Variants in CLCN5 observed in about 807,000 individuals in gnomAD.
The protein encoded by CLCN5 is Cl-/H+ antiporter 5.
CLCN5 carries 17 observed loss-of-function variants against 54.0 expected under a neutral mutation model. The observed-to-expected ratio is 0.31, with a 90% CI of 0.22 to 0.47. CLCN5 has a LOEUF of 0.47. CLCN5 is among the 20% of genes least tolerant of loss of function. The pLI is 1.00. For missense variants in CLCN5, 448 were observed against 646.7 expected (o/e 0.69, Z 3.33); for synonymous variants, 222 against 233.0 (o/e 0.95, Z 0.43).
intron 3 of CLCN5, among the ~76,000 whole-genome samples, chrX:49,944,944 C>T (rs1263312744): frequency 1.8e-5 from 2 of 112,365 alleles, no homozygotes; most frequent in African/African-American, 6.5e-5. Context: ...ACTCCTGCGT[C>T]TGTTATTACC....
intron 4 of CLCN5, chrX:50,067,664 G>A: frequency 2.7e-6 from 2 of 753,622 alleles, no homozygotes; most frequent in Non-Finnish European, 3.1e-6. Flanking sequence ...TCAGACTGGG[G>A]CTTCTTTTGT....
intron 3 of CLCN5, among the ~76,000 whole-genome samples, chrX:50,029,387 G>A (rs138414522): frequency 0.011 from 1,140 of 101,324 alleles, 11 homozygotes; most frequent in African/African-American, 0.039. Flanking sequence ...CCACCTATGA[G>A]TGAGAACATG....
intron 3 of CLCN5, among the ~76,000 whole-genome samples, chrX:50,019,456 CTTTTTTTTTTTCTTTTTT>C (rs1930960354): frequency 1.6e-5 from 1 of 64,424 alleles, no homozygotes; most frequent in Non-Finnish European, 2.9e-5. Flanking sequence ...TTCATGCTTA[CTTTTTTTTTTTCTTTTTT>C]TTTTTTTTTT....
chrX:49,970,352 C>T (rs1344427771), intron 3 of CLCN5, among the ~76,000 whole-genome samples: 1 of 110,800 alleles, frequency 9.0e-6, no homozygotes, highest in African/African-American at 3.3e-5. Flanking sequence ...CAACCATCAC[C>T]ACAATCTAAT....
intron 3 of CLCN5, among the ~76,000 whole-genome samples, chrX:50,016,029 G>A (rs187190309): frequency 4.7e-4 from 52 of 111,293 alleles, no homozygotes; most frequent in Non-Finnish European, 8.8e-4. Context: ...TTACTGCTCA[G>A]CCTTAGTCTT....
Position 49,948,087 on chromosome X carries a change from G to A in CLCN5, c.16+22773G>A, listed in dbSNP as rs992228278. Among the ~76,000 whole-genome samples, 4 of 109,316 alleles carry A rather than the reference G, an allele frequency of 3.7e-5. No homozygotes were observed. The South Asian group carries it at 1.6e-3, about 44-fold the overall frequency. 94.9% of individuals were successfully genotyped at this position (109,316 alleles called of 115,157 possible). Reference sequence around the variant, plus strand: ...CCTCCTAATTATGTCCATATTCAGGGGTGTAAAGTTCTTTACCTTTTTTCT... The same window carrying A: ...CCTCCTAATTATGTCCATATTCAGGAGTGTAAAGTTCTTTACCTTTTTTCT... On this transcript the variant is annotated intron_variant, in intron 3 of 14. Transcript: ENST00000376091.
At chrX:49,986,215 G>A (rs1408556065) in intron 3 of CLCN5, among the ~76,000 whole-genome samples, 1 of 111,315 alleles carries the variant, frequency 9.0e-6, no homozygotes, top group East Asian at 2.8e-4. Flanking sequence ...CCCTATCATG[G>A]TGACTTTGCT....
intron 7 of CLCN5, among the ~76,000 whole-genome samples, chrX:50,079,417 A>G (rs1557192697): frequency 8.9e-6 from 1 of 111,850 alleles, no homozygotes; most frequent in African/African-American, 3.2e-5. Flanking sequence ...AGTGAGTTGC[A>G]ATTCCTAATA....
intron 3 of CLCN5, among the ~76,000 whole-genome samples, chrX:50,038,148 T>C (rs927508701): frequency 4.0e-4 from 45 of 111,673 alleles, no homozygotes; most frequent in African/African-American, 1.2e-3. Flanking sequence ...TTTGGAAAAT[T>C]TGAGTATGAA....
intron 4 of CLCN5, 41 bp from the exon 5 acceptor site, chrX:50,069,838 G>A (rs1933163009): frequency 6.1e-6 from 7 of 1,149,165 alleles, no homozygotes; most frequent in Non-Finnish European, 8.1e-6. Context: ...AAAATGTTAA[G>A]AATTTCTGAA....
intron 4 of CLCN5, among the ~76,000 whole-genome samples, chrX:50,053,044 A>G (rs1557188568): frequency 9.0e-6 from 1 of 111,728 alleles, no homozygotes; most frequent in African/African-American, 3.2e-5. Flanking sequence ...CAGTTTGGTA[A>G]GAGAGCAAAC....
At chrX:49,976,406 G>A (rs1190726814) in intron 3 of CLCN5, among the ~76,000 whole-genome samples, 1 of 112,098 alleles carries the variant, frequency 8.9e-6, no homozygotes, top group Non-Finnish European at 1.9e-5. Context: ...GGAGGTGATG[G>A]TTTCCAGGGT....
intron 3 of CLCN5, among the ~76,000 whole-genome samples, chrX:49,963,481 A>G (rs945880656): frequency 2.7e-5 from 3 of 112,033 alleles, no homozygotes; most frequent in Non-Finnish European, 5.6e-5. Flanking sequence ...TTTTGAAGGT[A>G]CTTTACTTGT....
At chrX:50,058,670 C>T (rs1462976570) in intron 4 of CLCN5, among the ~76,000 whole-genome samples, 1 of 111,533 alleles carries the variant, frequency 9.0e-6, no homozygotes, top group Non-Finnish European at 1.9e-5. Context: ...GTATGTTTTT[C>T]CTGGACTCAG....
intron 3 of CLCN5, among the ~76,000 whole-genome samples, chrX:50,007,423 C>CTCTCTCTCTCTCTCTT (rs1930236849): frequency 8.1e-5 from 7 of 86,487 alleles, no homozygotes; most frequent in African/African-American, 5.6e-4. Flanking sequence ...CTCTCTCTCT[C>CTCTCTCTCTCTCTCTT]TCTCTCTCTC....
At chrX:49,971,891 G>A (rs1557176259) in intron 3 of CLCN5, among the ~76,000 whole-genome samples, 1 of 111,737 alleles carries the variant, frequency 8.9e-6, no homozygotes, top group East Asian at 2.8e-4. Context: ...TTAAATTGTT[G>A]CTTTACGAGG....
In CLCN5 at chrX:50,021,227, C is replaced by T. The variant is rs781975754; in HGVS notation, c.17-21089C>T. 1.3e-4 allele frequency among the ~76,000 whole-genome samples: 13 copies of T among 99,480 alleles called. 1 individual carries two copies. Among genetic ancestry groups the T allele is most frequent in the African/African-American group, 5.6e-4 (12 of 21,301 alleles). The allele number at this position is 99,480 out of a possible 115,157, so 86.4% of individuals were successfully genotyped here. A position where few individuals can be genotyped will look rare whatever the true frequency, so the allele number is the denominator to read the frequency against. The stretch of plus-strand genomic sequence containing the variant: ...GTAAGTTGGATTCCTATTTTATTCT[C>T]TTTGAAGCAATTGTGAATGGGAGTT... On this transcript the variant is annotated intron_variant, in intron 3 of 14. Coordinates refer to ENST00000376091, the MANE Select transcript of CLCN5 (RefSeq NM_001127898.4).
At chrX:49,979,064 A>T (rs1434431025) in intron 3 of CLCN5, among the ~76,000 whole-genome samples, 10 of 111,314 alleles carry the variant, frequency 9.0e-5, no homozygotes, top group African/African-American at 3.3e-4. Context: ...GATAAAGGGA[A>T]TGTCATCCTC....
chrX:49,962,459 A>G (rs1270791545), intron 3 of CLCN5, among the ~76,000 whole-genome samples: 2 of 111,620 alleles, frequency 1.8e-5, no homozygotes, highest in East Asian at 2.8e-4. Flanking sequence ...GCAATTGCCC[A>G]TAGCAGCGGC....
Sources: allele counts gnomAD v4.1 joint callset (sites outside exome capture counted in the v4.1 genomes callset), GRCh38; gene constraint gnomAD v4.1.1; transcripts MANE v1.5; gene names NCBI Gene and HGNC (gene_info 2026-07-23, HGNC 2026-07-21).